PRPH: variants seen among roughly 807,000 people sequenced by gnomAD.
The protein encoded by PRPH is peripherin.
A neutral mutation model predicts 52.6 loss-of-function variants in PRPH; 48 were observed. The observed-to-expected ratio is 0.91, with a 90% CI of 0.72 to 1.16. The LOEUF is 1.16. Among genes scored for constraint, PRPH ranks in the 50% most tolerant of loss-of-function variants. The pLI is 0.00. For synonymous variants in PRPH, 279 were observed against 283.8 expected, an observed-to-expected ratio of 0.98 and a Z score of 0.17; for missense variants, 579 against 635.7, an observed-to-expected ratio of 0.91 and a Z score of 0.96.
Position 49,297,980 on chromosome 12 carries a change from G to A in PRPH, c.1290G>A (p.Gln430=). ...KTTVPEVEPP[Q]DSHSRKTVLI... ...CAGTGCCTGAGGTGGAGCCTCCCCA[G>A]GACAGCCACAGCCGGAAGACGGTTC... The change falls in exon 8 of 9, where the codon CAG becomes CAA. Residue 430 remains glutamine (Q), a synonymous_variant. Coordinates refer to ENST00000257860, the MANE Select transcript of PRPH (RefSeq NM_006262.4). This position sits in a 1 kb window ranked among gnomAD's most constrained non-coding sequence, Gnocchi z 4.4. 1 of 1,614,200 alleles carries A rather than the reference G, an allele frequency of 6.2e-7. No individual in the cohort carries two copies. The highest frequency in any genetic ancestry group is 8.5e-7 in the Non-Finnish European group (1 of 1,180,040).
chr12:49,296,845 G>A lies in PRPH; in HGVS notation c.703-44G>A, dbSNP rs757217754. 4 of 1,580,730 alleles carry A rather than the reference G, an allele frequency of 2.5e-6. No homozygotes were observed. Among genetic ancestry groups the A allele is most frequent in the African/African-American group, 1.4e-5 (1 of 73,880 alleles). On this transcript the variant is annotated intron_variant, in intron 3 of 8. Transcript: ENST00000257860. This position sits in a 1 kb window ranked among gnomAD's most constrained non-coding sequence, Gnocchi z 5.1. Reference sequence around the variant, plus strand: ...TGTGCACGAACTGCGTGGCCCGCGTGGAATTTGCGCCGCTGTCCATCCTCT... The same window carrying A: ...TGTGCACGAACTGCGTGGCCCGCGTAGAATTTGCGCCGCTGTCCATCCTCT...
In PRPH at chr12:49,295,210, C is replaced by A; in HGVS notation, c.10C>A (p.His4Asn). MSHHPSGLRAGFSS... is the reference protein window; with the variant it reads MSHNPSGLRAGFSS... ...CCCATCCTTGGCCGCAATGAGCCAC[C>A]ACCCGTCGGGCCTCCGGGCCGGCTT... Residue 4 changes from histidine (H) to asparagine (N), a missense_variant, in exon 1 of 9, where the codon CAC (histidine) becomes AAC (asparagine). By Grantham distance (68) the His-to-Asn change is moderately conservative. Coordinates refer to ENST00000257860, the MANE Select transcript of PRPH (RefSeq NM_006262.4). 1 of 1,611,354 alleles carries A rather than the reference C, an allele frequency of 6.2e-7. No homozygotes were observed. Among genetic ancestry groups the A allele is most frequent in the African/African-American group, 1.3e-5 (1 of 74,986 alleles).
Position 49,298,122 on chromosome 12 carries a change from G to C in PRPH, c.1347+85G>C, listed in dbSNP as rs919817653. ...GCCTGGCTGTCGCTAATCTTACTTA[G>C]GGTGGGTAATTCTTGGGGAGAGACA... On this transcript the variant is annotated intron_variant, in intron 8 of 8. Transcript: ENST00000257860. The C allele has an allele frequency of 2.0e-6, 3 of 1,525,326 alleles. No homozygotes were observed. In the East Asian group the frequency reaches 6.9e-5, roughly 35 times the overall value. 94.5% of individuals were successfully genotyped at this position (1,525,326 alleles called of 1,614,324 possible).
At position 49,295,765 on chromosome 12, in the gene PRPH, C is replaced by A; in HGVS notation, c.545+20C>A. ...GCAGAGGTCAGGGGGCAGGGCTGGG[C>A]CGCTGCCGTCGAGGCGAGGTCGAAG... On this transcript the variant is annotated intron_variant, in intron 1 of 8. Transcript: ENST00000257860. 6.8e-7 allele frequency: 1 copy of A among 1,460,738 alleles called. No individual in the cohort carries two copies. Among genetic ancestry groups the A allele is most frequent in the Non-Finnish European group, 9.0e-7 (1 of 1,115,864 alleles). 90.5% of individuals were successfully genotyped at this position (1,460,738 alleles called of 1,614,324 possible).
Position 49,295,667 on chromosome 12 carries a change from A to G in PRPH, c.467A>G (p.Glu156Gly). ...QELRELRRELELLGRERDRVQ... is the reference protein window; with the variant it reads ...QELRELRRELGLLGRERDRVQ... ...CTGCGCGAGCTGCGGCGAGAGCTGG[A>G]GCTGTTGGGCCGCGAGCGTGACCGG... is the stretch of plus-strand genomic sequence containing the variant. The change falls in exon 1 of 9, where the codon GAG becomes GGG. Residue 156 changes from glutamate (E) to glycine (G), a missense_variant. By Grantham distance (98) the Glu-to-Gly change is moderately conservative. Coordinates refer to ENST00000257860, the MANE Select transcript of PRPH (RefSeq NM_006262.4). 6.5e-7 allele frequency: 1 copy of G among 1,537,022 alleles called. No individual in the cohort carries two copies. Among genetic ancestry groups the G allele is most frequent in the Non-Finnish European group, 8.7e-7 (1 of 1,144,634 alleles).
rs1943162059 is a variant in PRPH, at chr12:49,295,423, T to G, written c.223T>G (p.Ser75Ala). 2 of 1,604,748 alleles carry G rather than the reference T, an allele frequency of 1.2e-6. No individual in the cohort carries two copies. Among genetic ancestry groups the G allele is most frequent in the Non-Finnish European group, 1.7e-6 (2 of 1,176,484 alleles). Residue 75 changes from serine (S) to alanine (A), a missense_variant, in exon 1 of 9, where the codon TCG (serine) becomes GCG (alanine). By Grantham distance (99) the Ser-to-Ala change is moderately conservative. Transcript: ENST00000257860. The stretch of plus-strand genomic sequence containing the variant: ...AGCGGGCGCCCTCCTGCGCCTGCCC[T>G]CGGAGCGCCTCGACTTCTCCATGGC... Reference protein sequence around the residue: ...AGAGALLRLPSERLDFSMAEA... With the variant: ...AGAGALLRLPAERLDFSMAEA...
At position 49,298,653 on chromosome 12, in the gene PRPH, C is replaced by T; in HGVS notation, c.*300C>T. 2.3e-6 allele frequency: 1 copy of T among 443,092 alleles called. No homozygotes were observed. The highest frequency in any genetic ancestry group is 4.2e-6 in the Non-Finnish European group (1 of 239,968). 27.4% of individuals were successfully genotyped at this position (443,092 alleles called of 1,614,324 possible). A position where few individuals can be genotyped will look rare whatever the true frequency, so the allele number is the denominator to read the frequency against. On this transcript the variant is annotated 3_prime_UTR_variant, in exon 9 of 9. Coordinates refer to ENST00000257860, the MANE Select transcript of PRPH (RefSeq NM_006262.4). Reference sequence around the variant, plus strand: ...TGGGTGAGCCAGGGTCTGAGTTTCACATTTGAACCAAATAAAATGCTGTCA... The same window carrying T: ...TGGGTGAGCCAGGGTCTGAGTTTCATATTTGAACCAAATAAAATGCTGTCA...
chr12:49,297,380 G>T lies in PRPH; in HGVS notation c.1020G>T (p.Leu340Phe). ...RGTNEALLRQ[L>F]RELEEQFALE... ...AGAACGAGGCGCTGCTCAGGCAGTT[G>T]AGAGAGCTGGAGGAGCAGTTCGCCC... Residue 340 changes from leucine (L) to phenylalanine (F), a missense_variant, in exon 6 of 9, where the codon TTG (leucine) becomes TTT (phenylalanine). Physicochemically the swap from Leu to Phe is conservative, Grantham distance 22. Coordinates refer to ENST00000257860, the MANE Select transcript of PRPH (RefSeq NM_006262.4). This position sits in a 1 kb window ranked among gnomAD's most constrained non-coding sequence, Gnocchi z 4.4. 6.2e-7 allele frequency: 1 copy of T among 1,613,644 alleles called. No homozygotes were observed. The highest frequency in any genetic ancestry group is 1.1e-5 in the South Asian group (1 of 91,070).
chr12:49,296,803 G>A lies in PRPH; in HGVS notation c.703-86G>A. ...CTGGCGCCCACTTCTGTTCGTTCAAGCGTTTCTTCTCTTTTCTGTGCACGA... is the reference window on the plus strand; with the variant it reads ...CTGGCGCCCACTTCTGTTCGTTCAAACGTTTCTTCTCTTTTCTGTGCACGA... On this transcript the variant is annotated intron_variant, in intron 3 of 8. Transcript: ENST00000257860. This position sits in a 1 kb window ranked among gnomAD's most constrained non-coding sequence, Gnocchi z 5.1. The A allele has an allele frequency of 2.6e-6, 4 of 1,536,848 alleles. No homozygotes were observed. Among genetic ancestry groups the A allele is most frequent in the Non-Finnish European group, 3.5e-6 (4 of 1,137,906 alleles).
intron 8 of PRPH, 47 bp from the exon 9 acceptor site, chr12:49,298,241 G>A (rs1167288998): frequency 1.2e-6 from 2 of 1,609,398 alleles, no homozygotes; most frequent in East Asian, 2.2e-5. Flanking sequence ...TAGGATGGAG[G>A]GTGGCGCTGA....
Position 49,295,636 on chromosome 12 carries a change from C to A in PRPH, c.436C>A (p.Gln146Lys). 6.5e-7 allele frequency: 1 copy of A among 1,542,984 alleles called. No homozygotes were observed. The highest frequency in any genetic ancestry group is 1.2e-5 in the South Asian group (1 of 83,890). Residue 146 changes from glutamine to lysine, a missense_variant, in exon 1 of 9, where the codon CAG (glutamine) becomes AAG (lysine). Coordinates refer to ENST00000257860, the MANE Select transcript of PRPH (RefSeq NM_006262.4). ...EPARADQLCQ[Q>K]ELRELRRELE... ...GGCGCGCGCCGACCAGCTGTGCCAGCAGGAGCTGCGCGAGCTGCGGCGAGA... is the reference window on the plus strand; with the variant it reads ...GGCGCGCGCCGACCAGCTGTGCCAGAAGGAGCTGCGCGAGCTGCGGCGAGA...
Position 49,296,856 on chromosome 12 carries a change from C to A in PRPH, c.703-33C>A, listed in dbSNP as rs1262093180. Reference sequence around the variant, plus strand: ...TGCGTGGCCCGCGTGGAATTTGCGCCGCTGTCCATCCTCTGCCTGCTCCCG... The same window carrying A: ...TGCGTGGCCCGCGTGGAATTTGCGCAGCTGTCCATCCTCTGCCTGCTCCCG... On this transcript the variant is annotated intron_variant, in intron 3 of 8. Transcript: ENST00000257860. The surrounding 1 kb of genome is among the most constrained non-coding windows in gnomAD (Gnocchi z 5.1). 1 of 1,590,322 alleles carries A rather than the reference C, an allele frequency of 6.3e-7. No individual in the cohort carries two copies. Among genetic ancestry groups the A allele is most frequent in the Admixed American group, 1.7e-5 (1 of 57,314 alleles).
rs777222242 is a variant in PRPH, at chr12:49,297,559, T to C, written c.1199T>C (p.Leu400Pro). 37 of 1,310,880 alleles carry C rather than the reference T, an allele frequency of 2.8e-5. No homozygotes were observed. 81.2% of individuals were successfully genotyped at this position (1,310,880 alleles called of 1,614,324 possible). A position where few individuals can be genotyped will look rare whatever the true frequency, so the allele number is the denominator to read the frequency against. The change falls in exon 6 of 9, where the codon CTG (leucine) becomes CCG (proline). Residue 400 changes from leucine (L) to proline (P), a missense_variant. By Grantham distance (98) the Leu-to-Pro change is moderately conservative. Transcript: ENST00000257860. This position sits in a 1 kb window ranked among gnomAD's most constrained non-coding sequence, Gnocchi z 4.4. The stretch of plus-strand genomic sequence containing the variant: ...GAGATCGCCACCTACCGCAAGCTGC[T>C]GGAGGGCGAGGAGAGCCGGTGAGGG... ...DIEIATYRKL[L>P]EGEESRISVP...
Position 49,295,660 on chromosome 12 carries a change from G to T in PRPH, c.460G>T (p.Glu154Ter). 1.3e-6 allele frequency: 2 copies of T among 1,538,070 alleles called. No homozygotes were observed. Among genetic ancestry groups the T allele is most frequent in the Non-Finnish European group, 1.7e-6 (2 of 1,144,732 alleles). ...GCAGGAGCTGCGCGAGCTGCGGCGA[G>T]AGCTGGAGCTGTTGGGCCGCGAGCG... ...CQQELRELRR[E>*]LELLGRERDR... The change falls in exon 1 of 9, where the codon GAG becomes TAG. Residue 154 changes from glutamate (E) to a stop codon, truncating the protein, a stop_gained. Transcript: ENST00000257860. LOFTEE classifies it high-confidence loss of function.
chr12:49,297,874 C>T lies in PRPH; in HGVS notation c.1268-84C>T. ...CCCTACTCCTCAAACCCGCCCCTCC[C>T]CTGCCCTCAGGGATAGCAGTGGGAG... On this transcript the variant is annotated intron_variant, in intron 7 of 8. Transcript: ENST00000257860. This position sits in a 1 kb window ranked among gnomAD's most constrained non-coding sequence, Gnocchi z 4.4. The T allele has an allele frequency of 1.9e-6, 3 of 1,587,628 alleles. No homozygotes were observed. Among genetic ancestry groups the T allele is most frequent in the Non-Finnish European group, 1.7e-6 (2 of 1,156,270 alleles).
chr12:49,295,775 C>G, intron 1 of PRPH, 30 bp downstream of exon 1: 1 of 1,452,674 alleles, frequency 6.9e-7, no homozygotes, highest in Non-Finnish European at 9.0e-7. Context: ...CCGCTGCCGT[C>G]GAGGCGAGGT....
chr12:49,298,273 C>G lies in PRPH; in HGVS notation c.1348-15C>G. 4 of 1,613,908 alleles carry G rather than the reference C, an allele frequency of 2.5e-6. No individual in the cohort carries two copies. The highest frequency in any genetic ancestry group is 3.4e-6 in the Non-Finnish European group (4 of 1,179,916). ...CTGAATGGCTTGTGCCCATCATATG[C>G]CCTGTCCCCAGCAGGTGGTGACAGA... On this transcript the variant is annotated splice_polypyrimidine_tract_variant and intron_variant, in intron 8 of 8. Transcript: ENST00000257860.
rs767527547 is a variant in PRPH, at chr12:49,295,388, C to A, written c.188C>A (p.Pro63His). The change falls in exon 1 of 9, where the codon CCC (proline) becomes CAC (histidine). Residue 63 changes from proline to histidine, a missense_variant. By Grantham distance (77) the Pro-to-His change is moderately conservative. Transcript: ENST00000257860. The part of the protein sequence containing the change: ...SSVRLGSFRS[P>H]RAGAGALLRL... The stretch of plus-strand genomic sequence containing the variant: ...GTGCGCCTGGGCAGCTTCCGTAGCC[C>A]CCGAGCGGGAGCGGGCGCCCTCCTG... 3.7e-6 allele frequency: 6 copies of A among 1,607,114 alleles called. No individual in the cohort carries two copies. The highest frequency in any genetic ancestry group is 5.1e-6 in the Non-Finnish European group (6 of 1,177,726).
Position 49,297,468 on chromosome 12 carries a change from G to A in PRPH, c.1108G>A (p.Glu370Lys), listed in dbSNP as rs59827092. 1 of 1,612,562 alleles carries A rather than the reference G, an allele frequency of 6.2e-7. No individual in the cohort carries two copies. The highest frequency in any genetic ancestry group is 1.7e-5 in the Admixed American group (1 of 59,976). Reference sequence around the variant, plus strand: ...CGAGGAGGAGCTGCGACAGCTAAAAGAGGAGATGGCGCGGCACCTGAGGGA... The same window carrying A: ...CGAGGAGGAGCTGCGACAGCTAAAAAAGGAGATGGCGCGGCACCTGAGGGA... Reference protein sequence around the residue: ...RLEEELRQLKEEMARHLREYQ... With the variant: ...RLEEELRQLKKEMARHLREYQ... The change falls in exon 6 of 9, where the codon GAG becomes AAG. Residue 370 changes from glutamate to lysine, a missense_variant. Transcript: ENST00000257860. The surrounding 1 kb of genome is among the most constrained non-coding windows in gnomAD (Gnocchi z 4.4).
Sources: allele counts gnomAD v4.1 joint callset, GRCh38; gene constraint gnomAD v4.1.1; non-coding constraint Gnocchi (gnomAD v3.1); transcripts MANE v1.5; gene names NCBI Gene and HGNC (gene_info 2026-07-23, HGNC 2026-07-21).